LRRN1: variants seen among roughly 807,000 people sequenced by gnomAD.
LRRN1 encodes the protein leucine-rich repeat neuronal protein 1.
A neutral mutation model predicts 45.8 loss-of-function variants in LRRN1; 14 were observed. The ratio of observed to expected loss-of-function variants is 0.31; its 90% CI spans 0.20 to 0.48. LRRN1 has a LOEUF of 0.48. Ranked by LOEUF, LRRN1 falls within the 20% of genes least tolerant of loss-of-function variation. The pLI, the probability that LRRN1 is intolerant of heterozygous loss-of-function variation, is 0.99. For missense variants in LRRN1, 789 were observed against 874.2 expected, an observed-to-expected ratio of 0.90 and a Z score of 1.23; for synonymous variants, 359 against 330.1, an observed-to-expected ratio of 1.09 and a Z score of -0.95.
intron 1 of LRRN1, chr3:3,800,574 C>T (rs1692626951): frequency 6.8e-6 from 1 of 146,936 alleles, no homozygotes. Flanking sequence ...TTGAGCTCCA[C>T]GCGGGGACAG....
chr3:3,809,609 G>A (rs927378792), intron 1 of LRRN1, among the ~76,000 whole-genome samples: 3 of 152,220 alleles, frequency 2.0e-5, no homozygotes, highest in Admixed American at 1.3e-4. Context: ...TACAGGACAT[G>A]CAGCCCAAGG....
Position 3,846,540 on chromosome 3 carries a change from T to A in LRRN1, c.1899T>A (p.Ala633=), listed in dbSNP as rs1288885662. The A allele has an allele frequency of 1.2e-6, 2 of 1,614,164 alleles. No individual in the cohort carries two copies. The highest frequency in any genetic ancestry group is 2.2e-5 in the South Asian group (2 of 91,088). Residue 633 remains alanine (A), a synonymous_variant, in exon 2 of 2, where the codon GCT becomes GCA. Coordinates refer to ENST00000319331, the MANE Select transcript of LRRN1 (RefSeq NM_020873.7). This position sits in a 1 kb window ranked among gnomAD's most constrained non-coding sequence, Gnocchi z 5.7. ...ATCAAGAAACCAGTACAGCCCTTGC[T>A]GCAGTAATGGGGTCTATGTTTGCCG... ...ISDQETSTAL[A]AVMGSMFAVI...
At chr3:3,801,776 C>T (rs967255824) in intron 1 of LRRN1, among the ~76,000 whole-genome samples, 1 of 152,146 alleles carries the variant, frequency 6.6e-6, no homozygotes, top group Non-Finnish European at 1.5e-5. Flanking sequence ...CTTTACCTGG[C>T]TGTATATATT....
Position 3,848,511 on chromosome 3 carries a change from ATG to A in LRRN1, c.*1721_*1722del, listed in dbSNP as rs2106474703. On this transcript the variant is annotated 3_prime_UTR_variant, in exon 2 of 2. Coordinates refer to ENST00000319331, the MANE Select transcript of LRRN1 (RefSeq NM_020873.7). ...AGTTGGCAGAAAGAAAGTCCAGGTG[ATG>A]TAGGTTGAGGTATTTCTTTCTTTGG... is the stretch of plus-strand genomic sequence containing the variant. Among the ~76,000 whole-genome samples, 1 of 152,294 alleles carries A rather than the reference ATG, an allele frequency of 6.6e-6. No individual in the cohort carries two copies. Among genetic ancestry groups the A allele is most frequent in the South Asian group, 2.1e-4 (1 of 4,824 alleles).
At chr3:3,834,656 A>G (rs1422720430) in intron 1 of LRRN1, among the ~76,000 whole-genome samples, 1 of 149,044 alleles carries the variant, frequency 6.7e-6, no homozygotes, top group Non-Finnish European at 1.5e-5. Flanking sequence ...CATGATCACA[A>G]GGTCCCACAA....
chr3:3,807,390 G>A (rs577329236), intron 1 of LRRN1, among the ~76,000 whole-genome samples: 11 of 152,264 alleles, frequency 7.2e-5, no homozygotes, highest in South Asian at 2.1e-4. Context: ...TGATAGGAGC[G>A]TTTTAACTTT....
At chr3:3,812,668 T>C (rs529848023) in intron 1 of LRRN1, among the ~76,000 whole-genome samples, 14 of 152,304 alleles carry the variant, frequency 9.2e-5, no homozygotes, top group Admixed American at 3.9e-4. Flanking sequence ...AGTAATTCTA[T>C]TGAGTCTTGG....
intron 1 of LRRN1, among the ~76,000 whole-genome samples, chr3:3,842,791 T>C (rs1693676507): frequency 6.6e-6 from 1 of 152,168 alleles, no homozygotes; most frequent in Admixed American, 6.5e-5. Context: ...CTTTAGCAAG[T>C]GAATGGCCCA....
intron 1 of LRRN1, among the ~76,000 whole-genome samples, chr3:3,805,080 C>T (rs1692725904): frequency 6.6e-6 from 1 of 152,050 alleles, no homozygotes; most frequent in South Asian, 2.1e-4. Flanking sequence ...TTGTGACTGC[C>T]CTTTGTGAGA....
At chr3:3,819,911 C>G (rs1361919586) in intron 1 of LRRN1, among the ~76,000 whole-genome samples, 1 of 152,194 alleles carries the variant, frequency 6.6e-6, no homozygotes, top group Non-Finnish European at 1.5e-5. Context: ...GCTGACACTA[C>G]TCTCAAAGGA....
At position 3,807,500 on chromosome 3, in the gene LRRN1, GTTTC is replaced by G. The variant is rs776662684; in HGVS notation, c.-279+7588_-279+7591del. Reference sequence around the variant, plus strand: ...GGAGACAGATTTCATACAAGTTTATGTTTCTTTCTTGTTTGTTTAGTAAGACTTG... The same window carrying G: ...GGAGACAGATTTCATACAAGTTTATGTTTCTTGTTTGTTTAGTAAGACTTG... On this transcript the variant is annotated intron_variant, in intron 1 of 1. Transcript: ENST00000319331. 6.6e-5 allele frequency among the ~76,000 whole-genome samples: 10 copies of G among 152,290 alleles called. No homozygotes were observed. The South Asian group carries it at 1.7e-3, about 25-fold the overall frequency.
chr3:3,846,720 G>A lies in LRRN1; in HGVS notation c.2079G>A (p.Glu693=), dbSNP rs1693787378. 13 of 1,613,966 alleles carry A rather than the reference G, an allele frequency of 8.1e-6. No individual in the cohort carries two copies. The highest frequency in any genetic ancestry group is 1.1e-5 in the Non-Finnish European group (13 of 1,180,006). ...TTAACCTCTGGGAAGGTGACAGCGA[G>A]AAAGACAAAGATGGTTCTGCAGACA... ...PLINLWEGDS[E]KDKDGSADTK... Residue 693 remains glutamate (E), a synonymous_variant, in exon 2 of 2, where the codon GAG becomes GAA. Coordinates refer to ENST00000319331, the MANE Select transcript of LRRN1 (RefSeq NM_020873.7). This position sits in a 1 kb window ranked among gnomAD's most constrained non-coding sequence, Gnocchi z 5.7.
At chr3:3,833,588 C>T (rs1200131906) in intron 1 of LRRN1, among the ~76,000 whole-genome samples, 2 of 152,080 alleles carry the variant, frequency 1.3e-5, no homozygotes, top group African/African-American at 2.4e-5. Context: ...TCAACCTCAC[C>T]TCCAGGGGCC....
intron 1 of LRRN1, among the ~76,000 whole-genome samples, chr3:3,834,214 G>C (rs994699213): frequency 1.3e-5 from 2 of 151,768 alleles, no homozygotes; most frequent in Admixed American, 1.3e-4. Flanking sequence ...TGTGTTCCTC[G>C]GTTCTCCACA....
intron 1 of LRRN1, among the ~76,000 whole-genome samples, chr3:3,843,710 A>G (rs944427770): frequency 9.2e-5 from 14 of 152,160 alleles, no homozygotes; most frequent in African/African-American, 3.4e-4. Flanking sequence ...CATGTTTTTG[A>G]TATTTTCATC....
chr3:3,813,233 C>T (rs1317990091), intron 1 of LRRN1, among the ~76,000 whole-genome samples: 1 of 152,128 alleles, frequency 6.6e-6, no homozygotes, highest in Non-Finnish European at 1.5e-5. Context: ...ATGGTAATTT[C>T]GTCGGTGCTC....
intron 1 of LRRN1, among the ~76,000 whole-genome samples, chr3:3,837,824 C>G (rs537778292): frequency 6.6e-6 from 1 of 151,774 alleles, no homozygotes; most frequent in Non-Finnish European, 1.5e-5. Flanking sequence ...ACCTATCAAC[C>G]CATCACCTAT....
At chr3:3,819,313 ACTT>A (rs139979213) in intron 1 of LRRN1, among the ~76,000 whole-genome samples, 2,626 of 152,176 alleles carry the variant, frequency 0.017, 89 homozygotes, top group African/African-American at 0.061. Context: ...AAAATCTTAC[ACTT>A]CTTTAGTTTA....
chr3:3,817,692 G>GTT (rs1330289579), intron 1 of LRRN1, among the ~76,000 whole-genome samples: 3 of 141,246 alleles, frequency 2.1e-5, no homozygotes, highest in East Asian at 2.1e-4. Context: ...TTGGATGTTA[G>GTT]TTTTTTTTTT....
Sources: allele counts gnomAD v4.1 joint callset (sites outside exome capture counted in the v4.1 genomes callset), GRCh38; gene constraint gnomAD v4.1.1; non-coding constraint Gnocchi (gnomAD v3.1); transcripts MANE v1.5; gene names NCBI Gene and HGNC (gene_info 2026-07-23, HGNC 2026-07-21).